NR3C2: variants seen among roughly 807,000 people sequenced by gnomAD.
The protein encoded by NR3C2 is mineralocorticoid receptor.
In NR3C2, 15 loss-of-function variants were observed where a neutral mutation model predicts 86.4. That is an observed-to-expected ratio of 0.17 (90% CI 0.12 to 0.27). The LOEUF (loss-of-function observed/expected upper bound fraction) is 0.27, where lower values mean the gene tolerates loss of function less well. Ranked by LOEUF, NR3C2 falls within the 10% of genes least tolerant of loss-of-function variation. The pLI is 1.00. For synonymous variants in NR3C2, 458 were observed against 450.5 expected (o/e 1.02, Z -0.21); for missense variants, 960 against 1,195.6 (o/e 0.80, Z 2.91).
chr4:148,177,693 G>A (rs1560961692), intron 4 of NR3C2, among the ~76,000 whole-genome samples: 1 of 152,216 alleles, frequency 6.6e-6, no homozygotes, highest in Non-Finnish European at 1.5e-5. Flanking sequence ...GGAGCAAGCA[G>A]ATACTTTACC....
intron 2 of NR3C2, among the ~76,000 whole-genome samples, chr4:148,413,631 T>G (rs1748834963): frequency 6.6e-6 from 1 of 151,992 alleles, no homozygotes. Context: ...GACAAATCAA[T>G]AAACAGACAT....
intron 1 of NR3C2, among the ~76,000 whole-genome samples, chr4:148,438,826 C>T (rs1750198033): frequency 6.6e-6 from 1 of 152,120 alleles, no homozygotes; most frequent in Non-Finnish European, 1.5e-5. Flanking sequence ...AGTTTACCTT[C>T]TCAAAGGGCA....
chr4:148,360,380 A>G (rs1745778813), intron 2 of NR3C2, among the ~76,000 whole-genome samples: 1 of 152,222 alleles, frequency 6.6e-6, no homozygotes, highest in Non-Finnish European at 1.5e-5. Flanking sequence ...TCATAGCAAC[A>G]TAGTCCAAGA....
intron 2 of NR3C2, among the ~76,000 whole-genome samples, chr4:148,358,109 T>A (rs993002481): frequency 6.6e-6 from 1 of 152,088 alleles, no homozygotes; most frequent in African/African-American, 2.4e-5. Context: ...GACCCAGCCA[T>A]CCCATTACTG....
chr4:148,303,303 G>A (rs1742436269), intron 2 of NR3C2, among the ~76,000 whole-genome samples: 1 of 152,164 alleles, frequency 6.6e-6, no homozygotes. Context: ...CAGCTGAGAA[G>A]GAACAAGAGG....
At chr4:148,294,406 C>G in intron 2 of NR3C2, among the ~76,000 whole-genome samples, 1 of 152,018 alleles carries the variant, frequency 6.6e-6, no homozygotes, top group Non-Finnish European at 1.5e-5. Flanking sequence ...TTATATTAGA[C>G]ATTATTATAT....
chr4:148,084,277 G>A (rs1162716717), intron 8 of NR3C2, among the ~76,000 whole-genome samples: 1 of 152,202 alleles, frequency 6.6e-6, no homozygotes, highest in East Asian at 1.9e-4. Flanking sequence ...AGAAAGGTCG[G>A]GTTACCCACA....
chr4:148,098,193 T>C (rs537871874), intron 8 of NR3C2, among the ~76,000 whole-genome samples: 2 of 152,338 alleles, frequency 1.3e-5, no homozygotes, highest in East Asian at 3.9e-4. Context: ...TACGGTTACA[T>C]TGCTGGTCGC....
intron 2 of NR3C2, among the ~76,000 whole-genome samples, chr4:148,406,645 G>A (rs778424692): frequency 6.4e-4 from 97 of 152,148 alleles, no homozygotes; most frequent in Non-Finnish European, 4.0e-4. Flanking sequence ...TACAAGTCTG[G>A]TCTTTTTATC....
At chr4:148,117,529 CTT>C (rs1732326349) in intron 7 of NR3C2, among the ~76,000 whole-genome samples, 1 of 40,670 alleles carries the variant, frequency 2.5e-5, no homozygotes, top group Non-Finnish European at 7.0e-5. Context: ...ACATATCACA[CTT>C]ACGTGCCTCC....
intron 6 of NR3C2, among the ~76,000 whole-genome samples, chr4:148,151,714 C>G (rs938505080): frequency 2.0e-5 from 3 of 152,130 alleles, no homozygotes; most frequent in African/African-American, 7.2e-5. Flanking sequence ...TTTCCTATTG[C>G]CAGAGAGAGC....
At chr4:148,097,526 A>C (rs1441073353) in intron 8 of NR3C2, among the ~76,000 whole-genome samples, 2 of 152,160 alleles carry the variant, frequency 1.3e-5, no homozygotes, top group African/African-American at 4.8e-5. Flanking sequence ...ACTTTGGCCC[A>C]CTTCCTACTT....
chr4:148,244,161 G>A (rs68001401), intron 3 of NR3C2, among the ~76,000 whole-genome samples: 24,488 of 152,050 alleles, frequency 0.16, 2,175 homozygotes, highest in Admixed American at 0.21. Context: ...TGTTTAAAAC[G>A]CCAGTAACAC....
rs1280639489 is a variant in NR3C2, at chr4:148,360,692, G to A, written c.1757+74412C>T. ...AGTTTGAAATATTTTGATTCTGACT[G>A]AAATTTTTCCAATTCACAGAGTAAT... On this transcript the variant is annotated intron_variant, in intron 2 of 8. Coordinates refer to ENST00000358102, the MANE Select transcript of NR3C2 (RefSeq NM_000901.5). Among the ~76,000 whole-genome samples the A allele has an allele frequency of 2.0e-5, 3 of 152,272 alleles. No homozygotes were observed. In the East Asian group the frequency reaches 5.8e-4, roughly 29 times the overall value.
intron 2 of NR3C2, among the ~76,000 whole-genome samples, chr4:148,381,289 C>T (rs528274740): frequency 6.6e-6 from 1 of 151,898 alleles, no homozygotes; most frequent in South Asian, 2.1e-4. Context: ...AAAAGCAGTT[C>T]AATATCTTAT....
chr4:148,373,505 C>T (rs151022557), intron 2 of NR3C2, among the ~76,000 whole-genome samples: 99 of 137,670 alleles, frequency 7.2e-4, no homozygotes, highest in African/African-American at 2.8e-3. Context: ...GATGGAGTCT[C>T]GCTCTGTCAC....
chr4:148,390,815 T>TATA (rs1747508076), intron 2 of NR3C2, among the ~76,000 whole-genome samples: 1 of 152,164 alleles, frequency 6.6e-6, no homozygotes, highest in Non-Finnish European at 1.5e-5. Flanking sequence ...TGCTTACCTA[T>TATA]AAAAGTAAAA....
chr4:148,140,846 T>C (rs1733570550), intron 6 of NR3C2, among the ~76,000 whole-genome samples: 1 of 152,244 alleles, frequency 6.6e-6, no homozygotes, highest in Non-Finnish European at 1.5e-5. Flanking sequence ...TGCAGTCTCA[T>C]ATTTGTTTTG....
intron 2 of NR3C2, among the ~76,000 whole-genome samples, chr4:148,269,099 T>TGAAG (rs1376551344): frequency 7.2e-5 from 11 of 152,028 alleles, no homozygotes; most frequent in African/African-American, 2.7e-4. Flanking sequence ...ACCCAAAAGC[T>TGAAG]GAAGTGAAGG....
Sources: allele counts gnomAD v4.1 joint callset (sites outside exome capture counted in the v4.1 genomes callset), GRCh38; gene constraint gnomAD v4.1.1; transcripts MANE v1.5; gene names NCBI Gene and HGNC (gene_info 2026-07-23, HGNC 2026-07-21).